COMMD10: variants seen among roughly 807,000 people sequenced by gnomAD.
COMMD10 encodes COMM domain containing 10.
Under a neutral mutation model 28.9 loss-of-function variants are expected in COMMD10, and 33 were observed. That is an observed-to-expected ratio of 1.14 (90% confidence interval 0.87 to 1.53). The LOEUF (loss-of-function observed/expected upper bound fraction) is 1.53, where lower values mean the gene tolerates loss of function less well. Among genes scored for constraint, COMMD10 ranks in the 40% most tolerant of loss-of-function variants. The pLI is 0.00. For synonymous variants in COMMD10, 110 were observed against 81.7 expected, an observed-to-expected ratio of 1.35 and a Z score of -1.87; for missense variants, 310 against 233.4, an observed-to-expected ratio of 1.33 and a Z score of -2.14.
intron 4 of COMMD10, among the ~76,000 whole-genome samples, chr5:116,131,383 GTA>G (rs796875744): frequency 1.7e-3 from 265 of 151,644 alleles, no homozygotes; most frequent in African/African-American, 6.0e-3. Flanking sequence ...GGTGGGAGGG[GTA>G]TGTGTGTGTG....
chr5:116,154,582 AT>A (rs1183379606), intron 5 of COMMD10, among the ~76,000 whole-genome samples: 3 of 152,136 alleles, frequency 2.0e-5, no homozygotes, highest in Non-Finnish European at 2.9e-5. Context: ...GAGCTCTGAT[AT>A]AAAAATTCTT....
chr5:116,252,756 T>A (rs1430963364), intron 5 of COMMD10, among the ~76,000 whole-genome samples: 4 of 133,720 alleles, frequency 3.0e-5, no homozygotes, highest in Non-Finnish European at 6.4e-5. Flanking sequence ...TTTGTCCTTT[T>A]GGCTTAGGAT....
At chr5:116,106,441 T>A (rs1310444278) in intron 4 of COMMD10, among the ~76,000 whole-genome samples, 1 of 152,216 alleles carries the variant, frequency 6.6e-6, no homozygotes, top group Non-Finnish European at 1.5e-5. Context: ...GTTATGGTGC[T>A]GAGAATAATG....
At chr5:116,278,246 C>G (rs1750972461) in intron 5 of COMMD10, among the ~76,000 whole-genome samples, 1 of 151,744 alleles carries the variant, frequency 6.6e-6, no homozygotes, top group Non-Finnish European at 1.5e-5. Context: ...AACCTAGTTT[C>G]TCACTGTTAA....
At chr5:116,201,144 C>T (rs1183958309) in intron 5 of COMMD10, among the ~76,000 whole-genome samples, 1 of 152,146 alleles carries the variant, frequency 6.6e-6, no homozygotes, top group Admixed American at 6.6e-5. Context: ...GGATATTTTC[C>T]TTCCTGTAAG....
chr5:116,292,585 G>T lies in COMMD10; in HGVS notation c.*96G>T. 1.0e-6 allele frequency: 1 copy of T among 1,004,650 alleles called. No homozygotes were observed. The highest frequency in any genetic ancestry group is 1.5e-6 in the Non-Finnish European group (1 of 676,718). The allele number at this position is 1,004,650 out of a possible 1,614,324, so 62.2% of individuals were successfully genotyped here. On this transcript the variant is annotated 3_prime_UTR_variant, in exon 7 of 7. Transcript: ENST00000274458. ...GGTTGTGTTTTCTGAAGGATTCAGT[G>T]ACTTGCTTTCTGTAAATTATATGGC...
At chr5:116,192,266 C>G (rs929920771) in intron 5 of COMMD10, among the ~76,000 whole-genome samples, 11 of 120,176 alleles carry the variant, frequency 9.2e-5, no homozygotes, top group Non-Finnish European at 1.9e-4. Context: ...TTAACAACCC[C>G]CCCCCCCAAA....
chr5:116,256,081 C>G (rs539361158), intron 5 of COMMD10, among the ~76,000 whole-genome samples: 5 of 151,646 alleles, frequency 3.3e-5, no homozygotes, highest in African/African-American at 9.7e-5. Flanking sequence ...ATAAAAAGTT[C>G]CAAAAGCATT....
chr5:116,254,427 G>A (rs1366745552), intron 5 of COMMD10, among the ~76,000 whole-genome samples: 1 of 151,098 alleles, frequency 6.6e-6, no homozygotes, highest in East Asian at 1.9e-4. Flanking sequence ...TTTCTCTTGT[G>A]GGCATTTAGT....
intron 5 of COMMD10, among the ~76,000 whole-genome samples, chr5:116,194,252 C>A (rs1014553120): frequency 6.6e-6 from 1 of 152,002 alleles, no homozygotes; most frequent in Admixed American, 6.6e-5. Flanking sequence ...CAAGGTCACA[C>A]TTCAAGGAAC....
chr5:116,151,489 T>C (rs1752526008), intron 5 of COMMD10, among the ~76,000 whole-genome samples: 1 of 152,156 alleles, frequency 6.6e-6, no homozygotes, highest in African/African-American at 2.4e-5. Flanking sequence ...CATCTGGTCC[T>C]GGACTCTTTG....
At chr5:116,094,946 A>T (rs937004469) in intron 4 of COMMD10, among the ~76,000 whole-genome samples, 5 of 152,196 alleles carry the variant, frequency 3.3e-5, no homozygotes, top group Admixed American at 1.3e-4. Context: ...ACTCACTCCT[A>T]TGTGGGAGCT....
rs115986324 is a variant in COMMD10 at position 116,264,775 on chromosome 5, C to T, written c.511-26742C>T. Among the ~76,000 whole-genome samples the T allele has an allele frequency of 1.8e-3, 275 of 151,840 alleles. 4 individuals are homozygous for T. Among genetic ancestry groups the T allele is most frequent in the African/African-American group, 6.3e-3 (262 of 41,278 alleles). On this transcript the variant is annotated intron_variant, in intron 5 of 6. Transcript: ENST00000274458. The stretch of plus-strand genomic sequence containing the variant: ...AGGTTTTGCAAAATGTCTTGAGCTC[C>T]TTGAAAAATAGATGTCATGTAAATG...
chr5:116,213,878 A>G (rs1361543967), intron 5 of COMMD10, among the ~76,000 whole-genome samples: 1 of 152,116 alleles, frequency 6.6e-6, no homozygotes, highest in Admixed American at 6.6e-5. Flanking sequence ...ATTTGTTGTT[A>G]AAAGGGACAA....
At chr5:116,206,858 T>A (rs1748826941) in intron 5 of COMMD10, among the ~76,000 whole-genome samples, 1 of 152,156 alleles carries the variant, frequency 6.6e-6, no homozygotes, top group Non-Finnish European at 1.5e-5. Context: ...TCAATCTAAT[T>A]TCCTTTGAGA....
At chr5:116,176,629 G>C (rs1410788565) in intron 5 of COMMD10, among the ~76,000 whole-genome samples, 1 of 151,838 alleles carries the variant, frequency 6.6e-6, no homozygotes, top group Non-Finnish European at 1.5e-5. Flanking sequence ...CTTAAATTCT[G>C]TTTTCTGATG....
In COMMD10 at chr5:116,274,810, A is replaced by G. The variant is rs1750857085; in HGVS notation, c.511-16707A>G. Among the ~76,000 whole-genome samples, 2 of 151,730 alleles carry G rather than the reference A, an allele frequency of 1.3e-5. 1 individual carries two copies. Among genetic ancestry groups the G allele is most frequent in the African/African-American group, 4.9e-5 (2 of 41,108 alleles). On this transcript the variant is annotated intron_variant, in intron 5 of 6. Transcript: ENST00000274458. ...AATTATTGGTGTGCCTTAAGGATTT[A>G]TTATTGATCTTCTTGACACATTTGC...
chr5:116,259,749 C>T (rs780387423), intron 5 of COMMD10, among the ~76,000 whole-genome samples: 2 of 151,716 alleles, frequency 1.3e-5, no homozygotes, highest in Non-Finnish European at 2.9e-5. Flanking sequence ...AGTTTTTCAC[C>T]TGGGTTTCGG....
chr5:116,273,917 T>A (rs541035441), intron 5 of COMMD10, among the ~76,000 whole-genome samples: 3 of 151,924 alleles, frequency 2.0e-5, no homozygotes, highest in South Asian at 2.1e-4. Context: ...TTACTTTTTT[T>A]AAAGTATCTT....
Sources: gnomAD v4.1 joint callset for allele counts (sites outside exome capture counted in the v4.1 genomes callset) on GRCh38, gnomAD v4.1.1 for gene constraint, MANE v1.5 for transcripts, NCBI Gene and HGNC (gene_info 2026-07-23, HGNC 2026-07-21) for gene names.